MOSPD1: variants seen among roughly 807,000 people sequenced by gnomAD.
The protein encoded by MOSPD1 is motile sperm domain containing 1, also known as motile sperm domain-containing protein 1.
A neutral mutation model predicts 16.7 loss-of-function variants in MOSPD1; 5 were observed. That is an observed-to-expected ratio of 0.30 (90% CI 0.16 to 0.63). MOSPD1 has a LOEUF of 0.63. Ranked by LOEUF, MOSPD1 falls within the 30% of genes least tolerant of loss-of-function variation. The probability of loss-of-function intolerance (pLI) is 0.82; values close to 1 mark genes in which losing one functional copy is unlikely to be tolerated. For synonymous variants in MOSPD1, 67 were observed against 59.2 expected (o/e 1.13, Z -0.61); for missense variants, 104 against 153.6 (o/e 0.68, Z 1.71).
In MOSPD1 at chrX:134,907,031, C is replaced by A. The variant is rs191302349; in HGVS notation, c.-101-7497G>T. ...ATCACCTGAGGTCAAGAGTTTGAGA[C>A]CAGCCTGGCCATCATGGTGAAACCC... On this transcript the variant is annotated intron_variant, in intron 1 of 5. Transcript: ENST00000370783. 1.6e-4 allele frequency among the ~76,000 whole-genome samples: 18 copies of A among 111,213 alleles called. No homozygotes were observed. The Admixed American group carries it at 1.6e-3, about 10-fold the overall frequency.
intron 1 of MOSPD1, among the ~76,000 whole-genome samples, chrX:134,912,248 A>G (rs1429586896): frequency 1.8e-5 from 2 of 111,477 alleles, no homozygotes; most frequent in Admixed American, 1.9e-4. Flanking sequence ...GGGTTTCTCC[A>G]TGTTGGTCAG....
chrX:134,888,754 G>A lies in MOSPD1; in HGVS notation c.*407C>T, dbSNP rs1421759977. On this transcript the variant is annotated 3_prime_UTR_variant, in exon 6 of 6. Transcript: ENST00000370783. ...GTATAATTAACATAATAACGCTGAT[G>A]TTTGTAGCTAGGGAATAAATGTCAT... is the stretch of plus-strand genomic sequence containing the variant. 8.9e-6 allele frequency: 1 copy of A among 112,485 alleles called. No homozygotes were observed. Among genetic ancestry groups the A allele is most frequent in the Non-Finnish European group, 1.9e-5 (1 of 53,586 alleles). The allele number at this position is 112,485 out of a possible 1,213,427, so 9.3% of individuals were successfully genotyped here. A position where few individuals can be genotyped will look rare whatever the true frequency, so the allele number is the denominator to read the frequency against.
chrX:134,914,945 C>A (rs772381312), intron 1 of MOSPD1, among the ~76,000 whole-genome samples: 16 of 112,580 alleles, frequency 1.4e-4, no homozygotes, highest in Non-Finnish European at 2.3e-4. Context: ...ACCCTGGGGC[C>A]GGGCGCCGCG....
chrX:134,912,552 G>A lies in MOSPD1; in HGVS notation c.-102+2630C>T, dbSNP rs193041432. On this transcript the variant is annotated intron_variant, in intron 1 of 5. Transcript: ENST00000370783. ...TGCAGTGGCATGGCTTCAGCTTAAT[G>A]CAGCCTTGATCTCCCGGGTTCAAGC... 1.6e-3 allele frequency among the ~76,000 whole-genome samples: 170 copies of A among 109,463 alleles called. 1 individual carries two copies. The highest frequency in any genetic ancestry group is 5.5e-3 in the African/African-American group (167 of 30,100).
chrX:134,895,687 CT>C (rs1217875287), intron 4 of MOSPD1, among the ~76,000 whole-genome samples: 3 of 111,928 alleles, frequency 2.7e-5, no homozygotes, highest in Non-Finnish European at 5.6e-5. Context: ...CAAAGGTTCT[CT>C]TTCAGCTTCA....
chrX:134,890,939 A>G (rs1343271891), intron 5 of MOSPD1, among the ~76,000 whole-genome samples: 1 of 112,151 alleles, frequency 8.9e-6, no homozygotes, highest in Non-Finnish European at 1.9e-5. Flanking sequence ...CGACACATGG[A>G]AGGTACGGAA....
rs746819190 is a variant in MOSPD1 at position 134,897,635 on chromosome X, T to C, written c.231-601A>G. Among the ~76,000 whole-genome samples the C allele has an allele frequency of 9.9e-4, 106 of 106,875 alleles. 2 individuals carry two copies. Among genetic ancestry groups the C allele is most frequent in the African/African-American group, 3.4e-3 (101 of 29,453 alleles). 92.8% of individuals were successfully genotyped at this position (106,875 alleles called of 115,157 possible). ...TTCTGGATAACTCAGTGCAGCAACA[T>C]TTACTAAATAGGAATACATGCAATT... On this transcript the variant is annotated intron_variant, in intron 3 of 5. Transcript: ENST00000370783.
At chrX:134,904,393 C>A (rs73570746) in intron 1 of MOSPD1, among the ~76,000 whole-genome samples, 2,926 of 112,104 alleles carry the variant, frequency 0.026, 101 homozygotes, top group African/African-American at 0.091. Context: ...GCCTCAGTTC[C>A]AGAGATCGTA....
chrX:134,893,326 CAAAG>C (rs1396312657), intron 4 of MOSPD1, among the ~76,000 whole-genome samples: 6 of 110,828 alleles, frequency 5.4e-5, no homozygotes, highest in African/African-American at 2.0e-4. Flanking sequence ...GATGAATTCT[CAAAG>C]AAAACAGTTA....
chrX:134,907,973 A>G (rs1027738295), intron 1 of MOSPD1, among the ~76,000 whole-genome samples: 1 of 111,837 alleles, frequency 8.9e-6, no homozygotes, highest in Non-Finnish European at 1.9e-5. Context: ...GGGTCTCCCT[A>G]TGTTGTCCAG....
Position 134,889,130 on chromosome X carries a change from A to G in MOSPD1, c.*31T>C. The G allele has an allele frequency of 8.6e-7, 1 of 1,163,467 alleles. No individual in the cohort carries two copies. Among genetic ancestry groups the G allele is most frequent in the Non-Finnish European group, 1.2e-6 (1 of 858,584 alleles). On this transcript the variant is annotated 3_prime_UTR_variant, in exon 6 of 6. Coordinates refer to ENST00000370783, the MANE Select transcript of MOSPD1 (RefSeq NM_019556.3). ...GTCCACATTCATATTTTCAAGACAG[A>G]TTTACTTCAGAAGTCAATTGAAATC...
chrX:134,897,105 T>TTTTAATATTG, intron 3 of MOSPD1, 71 bp from the exon 4 acceptor site: 1 of 688,536 alleles, frequency 1.5e-6, no homozygotes, highest in Non-Finnish European at 2.2e-6. Context: ...CAGTGAGATA[T>TTTTAATATTG]TTTAATATAT....
In MOSPD1 at chrX:134,899,299, C is replaced by T. The variant is rs2082900793; in HGVS notation, c.135G>A (p.Glu45=). 1 of 1,183,823 alleles carries T rather than the reference C, an allele frequency of 8.4e-7. No homozygotes were observed. Among genetic ancestry groups the T allele is most frequent in the East Asian group, 3.0e-5 (1 of 33,655 alleles). The change falls in exon 2 of 6, where the codon GAG becomes GAA. Residue 45 remains glutamate (E), a synonymous_variant. Coordinates refer to ENST00000370783, the MANE Select transcript of MOSPD1 (RefSeq NM_019556.3). ...KQVLTLYNPY[E]FALKFKVLCT... is the part of the protein sequence containing the mutation. ...ACTCACCTTTGAACTTTAAGGCAAACTCATAGGGATTGTACAGTGTCAACA... is the reference window on the plus strand; with the variant it reads ...ACTCACCTTTGAACTTTAAGGCAAATTCATAGGGATTGTACAGTGTCAACA...
chrX:134,899,622 A>G, intron 1 of MOSPD1, 88 bp from the exon 2 acceptor site: 1 of 387,947 alleles, frequency 2.6e-6, no homozygotes, highest in Non-Finnish European at 4.2e-6. Context: ...TATATTTAGC[A>G]TGCATTAAAA....
rs766290469 is a variant in MOSPD1 at position 134,899,479 on chromosome X, A to G, written c.-46T>C. 1 of 1,094,227 alleles carries G rather than the reference A, an allele frequency of 9.1e-7. No individual in the cohort carries two copies. Among genetic ancestry groups the G allele is most frequent in the African/African-American group, 1.9e-5 (1 of 52,963 alleles). 90.2% of individuals were successfully genotyped at this position (1,094,227 alleles called of 1,213,427 possible). On this transcript the variant is annotated 5_prime_UTR_variant, in exon 2 of 6. Transcript: ENST00000370783. ...TGCAGTTTCTGTTTTTACAGTCTCA[A>G]ATCTATTTTGGACTTTTCTTAGATT...
chrX:134,903,711 CAAAAAAA>C (rs772831491), intron 1 of MOSPD1, among the ~76,000 whole-genome samples: 1 of 54,974 alleles, frequency 1.8e-5, no homozygotes, highest in Non-Finnish European at 3.2e-5. Flanking sequence ...GACTCCATCT[CAAAAAAA>C]AAAAAAAAAA....
intron 1 of MOSPD1, among the ~76,000 whole-genome samples, chrX:134,906,289 G>A (rs1482149059): frequency 1.0e-5 from 1 of 99,119 alleles, no homozygotes; most frequent in African/African-American, 3.8e-5. Flanking sequence ...AGCGATTCTC[G>A]TGCCTCAGCC....
intron 1 of MOSPD1, among the ~76,000 whole-genome samples, chrX:134,914,544 G>A (rs2082988691): frequency 9.0e-6 from 1 of 111,095 alleles, no homozygotes; most frequent in Admixed American, 9.5e-5. Flanking sequence ...GGTCTGGGGA[G>A]GGGGAAGGAT....
intron 4 of MOSPD1, among the ~76,000 whole-genome samples, chrX:134,895,139 T>C (rs1369033191): frequency 2.7e-5 from 3 of 110,755 alleles, no homozygotes; most frequent in African/African-American, 9.9e-5. Flanking sequence ...GGAGGATTGC[T>C]TGAGGCTAGG....
Sources: allele counts gnomAD v4.1 joint callset (sites outside exome capture counted in the v4.1 genomes callset), GRCh38; gene constraint gnomAD v4.1.1; transcripts MANE v1.5; gene names NCBI Gene and HGNC (gene_info 2026-07-23, HGNC 2026-07-21).